RALGPS2: variants seen among roughly 807,000 people sequenced by gnomAD.
The protein encoded by RALGPS2 is Ral GEF with PH domain and SH3 binding motif 2.
A neutral mutation model predicts 86.8 loss-of-function variants in RALGPS2; 43 were observed. The observed-to-expected ratio is 0.50, with a 90% CI of 0.39 to 0.64. RALGPS2 has a LOEUF of 0.64. Among genes scored for constraint, RALGPS2 ranks in the 30% least tolerant of loss-of-function variants. The probability of loss-of-function intolerance (pLI) is 0.00; values close to 1 mark genes in which losing one functional copy is unlikely to be tolerated. For synonymous variants in RALGPS2, 243 were observed against 231.3 expected (o/e 1.05, Z -0.46); for missense variants, 536 against 694.6 (o/e 0.77, Z 2.57).
At chr1:178,744,773 G>A (rs1171223428) in intron 1 of RALGPS2, among the ~76,000 whole-genome samples, 3 of 140,560 alleles carry the variant, frequency 2.1e-5, no homozygotes, top group African/African-American at 5.5e-5. Context: ...AGCCGAGATC[G>A]CACCACTGTA....
intron 7 of RALGPS2, among the ~76,000 whole-genome samples, chr1:178,827,351 A>C (rs963071391): frequency 2.0e-5 from 3 of 152,146 alleles, no homozygotes; most frequent in African/African-American, 7.2e-5. Flanking sequence ...TAGCCAAAGC[A>C]ATCTTGAGCA....
At chr1:178,854,275 T>C (rs1657382784) in intron 8 of RALGPS2, among the ~76,000 whole-genome samples, 1 of 152,172 alleles carries the variant, frequency 6.6e-6, no homozygotes, top group South Asian at 2.1e-4. Context: ...ATCAGTTTAT[T>C]CATAGTCCTA....
chr1:178,739,530 C>A (rs1049847553), intron 1 of RALGPS2, among the ~76,000 whole-genome samples: 11 of 152,092 alleles, frequency 7.2e-5, no homozygotes, highest in African/African-American at 2.7e-4. Flanking sequence ...ATGTGGCAAC[C>A]AGAACTAGGT....
At chr1:178,890,969 A>G (rs1363030302) in intron 14 of RALGPS2, among the ~76,000 whole-genome samples, 1 of 152,086 alleles carries the variant, frequency 6.6e-6, no homozygotes, top group Non-Finnish European at 1.5e-5. Flanking sequence ...ACGTAAAACC[A>G]TGAGAAGTTG....
At chr1:178,820,368 A>G (rs1343128471) in intron 6 of RALGPS2, among the ~76,000 whole-genome samples, 2 of 152,210 alleles carry the variant, frequency 1.3e-5, no homozygotes, top group African/African-American at 4.8e-5. Context: ...GCCTTTAAAG[A>G]GGCTTCACAT....
chr1:178,807,511 C>G (rs899291197), intron 4 of RALGPS2, among the ~76,000 whole-genome samples: 1 of 152,066 alleles, frequency 6.6e-6, no homozygotes, highest in African/African-American at 2.4e-5. Context: ...ACTAAAAGGA[C>G]TGTCTTATTT....
chr1:178,916,438 C>A lies in RALGPS2; in HGVS notation c.*79C>A, dbSNP rs572431286. 11 of 1,358,770 alleles carry A rather than the reference C, an allele frequency of 8.1e-6. No homozygotes were observed. The African/African-American group carries it at 1.5e-4, about 18-fold the overall frequency. 84.2% of individuals were successfully genotyped at this position (1,358,770 alleles called of 1,614,324 possible). A position where few individuals can be genotyped will look rare whatever the true frequency, so the allele number is the denominator to read the frequency against. On this transcript the variant is annotated 3_prime_UTR_variant, in exon 20 of 20. Coordinates refer to ENST00000367635, the MANE Select transcript of RALGPS2 (RefSeq NM_152663.5). Reference sequence around the variant, plus strand: ...CTGATAAAAGAGCGCCAGCTATAAACCATCCTGTGCCAGGAAGAGCCCAGA... The same window carrying A: ...CTGATAAAAGAGCGCCAGCTATAAAACATCCTGTGCCAGGAAGAGCCCAGA...
chr1:178,851,426 A>G lies in RALGPS2; in HGVS notation c.607+17876A>G, dbSNP rs1572400574. The G allele has an allele frequency of 4.2e-6, 4 of 955,830 alleles. No homozygotes were observed. The East Asian group carries it at 8.8e-5, about 21-fold the overall frequency. The allele number at this position is 955,830 out of a possible 1,614,324, so 59.2% of individuals were successfully genotyped here. On this transcript the variant is annotated intron_variant, in intron 8 of 19. Transcript: ENST00000367635. ...AATTTGAACTTCCCTTACTAATCCC[A>G]GTTACCTTTATCTCAGCAGTTTTAA...
Position 178,729,492 on chromosome 1 carries a change from A to T in RALGPS2, c.-84+4073A>T, listed in dbSNP as rs561400982. Among the ~76,000 whole-genome samples, 15 of 152,166 alleles carry T rather than the reference A, an allele frequency of 9.9e-5. No homozygotes were observed. In the South Asian group the frequency reaches 1.7e-3, roughly 17 times the overall value. On this transcript the variant is annotated intron_variant, in intron 1 of 19. Coordinates refer to ENST00000367635, the MANE Select transcript of RALGPS2 (RefSeq NM_152663.5). ...GGACCCCTGGTTTTGTTCCTTTTTT[A>T]AAAAAAGATTAATATTTGATTTATA...
At chr1:178,890,119 T>TAAAGC (rs1409317054) in intron 14 of RALGPS2, among the ~76,000 whole-genome samples, 3 of 151,954 alleles carry the variant, frequency 2.0e-5, no homozygotes, top group South Asian at 4.1e-4. Context: ...ATTATACAAG[T>TAAAGC]AAAGCAAGTT....
intron 2 of RALGPS2, among the ~76,000 whole-genome samples, chr1:178,781,856 T>C (rs1021449273): frequency 3.3e-5 from 5 of 152,188 alleles, no homozygotes; most frequent in African/African-American, 7.2e-5. Flanking sequence ...TAAAATAATA[T>C]TGTTGACATA....
rs1044300198 is a variant in RALGPS2 at position 178,837,149 on chromosome 1, A to T, written c.607+3599A>T. 5.3e-5 allele frequency among the ~76,000 whole-genome samples: 8 copies of T among 152,148 alleles called. No individual in the cohort carries two copies. The South Asian group carries it at 1.5e-3, about 28-fold the overall frequency. On this transcript the variant is annotated intron_variant, in intron 8 of 19. Transcript: ENST00000367635. ...TCAGGTTTTTTCTGTATATTGCCTG[A>T]TCTTCCAAATCTAGACTGAATCTGT... is the stretch of plus-strand genomic sequence containing the variant.
At chr1:178,857,051 T>C (rs138815300) in intron 8 of RALGPS2, among the ~76,000 whole-genome samples, 129 of 152,258 alleles carry the variant, frequency 8.5e-4, no homozygotes, top group African/African-American at 3.1e-3. Context: ...TGCATTGTAG[T>C]CAAGTAGGAA....
chr1:178,788,790 CTCT>C (rs1284890056), intron 4 of RALGPS2, among the ~76,000 whole-genome samples: 1 of 150,984 alleles, frequency 6.6e-6, no homozygotes, highest in South Asian at 2.1e-4. Context: ...TTTTTCTCTT[CTCT>C]TCTTTTCTTT....
rs751376768 is a variant in RALGPS2 at position 178,893,924 on chromosome 1, C to T, written c.1331C>T (p.Ala444Val). 3.8e-6 allele frequency: 6 copies of T among 1,595,086 alleles called. No individual in the cohort carries two copies. In the South Asian group the frequency reaches 6.7e-5, roughly 18 times the overall value. ...YRSHMKASSS[A>V]ESEDLAVHLY... ...TCTTTTCTTCGTTATTATAGTTCTG[C>T]AGAATCAGAAGATTTGGCAGTACAT... Residue 444 changes from alanine (A) to valine (V), a missense_variant, in exon 16 of 20, where the codon GCA becomes GTA. Around this residue, in one of 3 missense-constraint regions of RALGPS2, gnomAD observed 309 missense variants for 363.0 expected, o/e 0.85. Coordinates refer to ENST00000367635, the MANE Select transcript of RALGPS2 (RefSeq NM_152663.5).
At chr1:178,914,988 A>G (rs565143532) in intron 19 of RALGPS2, among the ~76,000 whole-genome samples, 3 of 152,242 alleles carry the variant, frequency 2.0e-5, no homozygotes, top group South Asian at 2.1e-4. Context: ...AATCTAGACA[A>G]TATATACATA....
At position 178,774,514 on chromosome 1, in the gene RALGPS2, G is replaced by A. The variant is rs181885251; in HGVS notation, c.-83-2168G>A. Among the ~76,000 whole-genome samples the A allele has an allele frequency of 1.2e-3, 177 of 152,280 alleles. 2 individuals are homozygous for A. Among genetic ancestry groups the A allele is most frequent in the African/African-American group, 3.9e-3 (161 of 41,550 alleles). ...TTATACTTAATGTTGCCTAGAAAGT[G>A]GAATGAAATGTAATTATTTGAAAAA... On this transcript the variant is annotated intron_variant, in intron 1 of 19. Transcript: ENST00000367635.
chr1:178,897,720 T>A lies in RALGPS2; in HGVS notation c.1488T>A (p.Tyr496Ter), dbSNP rs762545723. Residue 496 changes from tyrosine to a stop codon, truncating the protein, a stop_gained, in exon 17 of 20, where the codon TAT becomes TAA. Transcript: ENST00000367635. LOFTEE classifies it high-confidence loss of function. ...TGTGTGGGACACAGCTTTTTTACTA[T>A]GCTGCCAAATCTCTAAAGGCTACCG... ...AALCGTQLFY[Y>*]AAKSLKATER... is the part of the protein sequence containing the mutation. 6.2e-7 allele frequency: 1 copy of A among 1,612,640 alleles called. No individual in the cohort carries two copies. Among genetic ancestry groups the A allele is most frequent in the African/African-American group, 1.3e-5 (1 of 74,938 alleles).
chr1:178,886,861 TGCAGAACAAGAGA>T (rs1241508301), intron 13 of RALGPS2, among the ~76,000 whole-genome samples: 1 of 152,158 alleles, frequency 6.6e-6, no homozygotes, highest in African/African-American at 2.4e-5. Flanking sequence ...GAATATCAAA[TGCAGAACAAGAGA>T]GCTAAGATGA....
Sources: gnomAD v4.1 joint callset for allele counts (sites outside exome capture counted in the v4.1 genomes callset) on GRCh38, gnomAD v4.1.1 for gene constraint, gnomAD v4.1.1 regional missense constraint, MANE v1.5 for transcripts, NCBI Gene and HGNC (gene_info 2026-07-23, HGNC 2026-07-21) for gene names.